The following DNAJC5B variants were observed in gnomAD, a reference collection of about 807,000 sequenced individuals.
DNAJC5B encodes DnaJ heat shock protein family (Hsp40) member C5 beta.
DNAJC5B carries 23 observed loss-of-function variants against 24.7 expected under a neutral mutation model. That is an observed-to-expected ratio of 0.93 (90% confidence interval 0.67 to 1.32). DNAJC5B has a LOEUF of 1.32. Ranked by LOEUF, DNAJC5B falls within the 40% of genes most tolerant of loss-of-function variation. The pLI is 0.00. For synonymous variants in DNAJC5B, 101 were observed against 90.1 expected, an observed-to-expected ratio of 1.12 and a Z score of -0.68; for missense variants, 238 against 240.8, an observed-to-expected ratio of 0.99 and a Z score of 0.08.
chr8:66,022,630 CA>C (rs1368672913), intron 1 of DNAJC5B, among the ~76,000 whole-genome samples: 1 of 152,230 alleles, frequency 6.6e-6, no homozygotes, highest in Non-Finnish European at 1.5e-5. Flanking sequence ...CCACAGGACA[CA>C]ACTCTAACTC....
chr8:66,046,783 A>G (rs78390492), intron 2 of DNAJC5B, among the ~76,000 whole-genome samples: 1,724 of 152,396 alleles, frequency 0.011, 18 homozygotes, highest in East Asian at 0.031. Context: ...AAGGCTGTCC[A>G]GTTCTCAGCC....
At chr8:66,067,339 T>C (rs984141806) in intron 3 of DNAJC5B, among the ~76,000 whole-genome samples, 1 of 151,994 alleles carries the variant, frequency 6.6e-6, no homozygotes, top group Non-Finnish European at 1.5e-5. Context: ...AGGAGAAAAC[T>C]TGGACACTAG....
At chr8:66,017,694 C>G (rs991021517), upstream of DNAJC5B, among the ~76,000 whole-genome samples, 7 of 152,220 alleles carry the variant, frequency 4.6e-5, no homozygotes, top group African/African-American at 1.4e-4. Flanking sequence ...TATGCTGACA[C>G]TGGTTTCCAG....
intron 5 of DNAJC5B, among the ~76,000 whole-genome samples, chr8:66,097,406 A>G (rs1432382698): frequency 2.0e-5 from 3 of 151,760 alleles, no homozygotes; most frequent in Non-Finnish European, 4.4e-5. Flanking sequence ...TAACACGTTA[A>G]CCCTGATCAA....
At chr8:66,048,800 C>A (rs568832133) in intron 2 of DNAJC5B, among the ~76,000 whole-genome samples, 1 of 152,178 alleles carries the variant, frequency 6.6e-6, no homozygotes, top group East Asian at 1.9e-4. Context: ...GTGTTGCTTT[C>A]GGTTCAGGCT....
At chr8:66,079,650 A>G (rs1194610064) in intron 4 of DNAJC5B, among the ~76,000 whole-genome samples, 3 of 152,210 alleles carry the variant, frequency 2.0e-5, no homozygotes, top group African/African-American at 7.2e-5. Context: ...GATCACCATA[A>G]TAAGGATCTT....
chr8:66,028,047 G>C (rs758792795), intron 1 of DNAJC5B, among the ~76,000 whole-genome samples: 3 of 152,158 alleles, frequency 2.0e-5, no homozygotes, highest in Non-Finnish European at 4.4e-5. Flanking sequence ...AAAAATGTGC[G>C]CACTGTGAAC....
intron 5 of DNAJC5B, among the ~76,000 whole-genome samples, chr8:66,086,424 G>A (rs1022844792): frequency 3.6e-4 from 54 of 152,106 alleles, no homozygotes; most frequent in African/African-American, 1.1e-3. Flanking sequence ...AGCCACTACT[G>A]AGGATATTTC....
At chr8:66,045,330 A>G (rs571912499) in intron 2 of DNAJC5B, among the ~76,000 whole-genome samples, 1 of 152,382 alleles carries the variant, frequency 6.6e-6, no homozygotes, top group Admixed American at 6.5e-5. Context: ...GAATAGGGCA[A>G]AAGAAGATGA....
intron 3 of DNAJC5B, among the ~76,000 whole-genome samples, chr8:66,062,740 T>A (rs1404397655): frequency 6.6e-6 from 1 of 152,142 alleles, no homozygotes; most frequent in Non-Finnish European, 1.5e-5. Context: ...AGTGGGAGGA[T>A]CAATTGAGCC....
At position 66,100,056 on chromosome 8, in the gene DNAJC5B, G is replaced by A; in HGVS notation, c.*25G>A. 6.2e-7 allele frequency: 1 copy of A among 1,601,440 alleles called. No homozygotes were observed. Among genetic ancestry groups the A allele is most frequent in the South Asian group, 1.1e-5 (1 of 90,488 alleles). The stretch of plus-strand genomic sequence containing the variant: ...ATATTGAGCCCTCAGAGAGTCCACA[G>A]TCCCTCCTCTCAGTTCAGTCTTGTC... On this transcript the variant is annotated 3_prime_UTR_variant, in exon 6 of 6. Coordinates refer to ENST00000276570, the MANE Select transcript of DNAJC5B (RefSeq NM_033105.6).
chr8:66,062,495 G>T (rs75735667), intron 3 of DNAJC5B, among the ~76,000 whole-genome samples: 6,526 of 152,240 alleles, frequency 0.043, 465 homozygotes, highest in African/African-American at 0.15. Flanking sequence ...ATAAACATTG[G>T]TTTTTATTTA....
chr8:66,060,919 G>C (rs1203808240), intron 3 of DNAJC5B, among the ~76,000 whole-genome samples: 1 of 152,218 alleles, frequency 6.6e-6, no homozygotes, highest in East Asian at 1.9e-4. Context: ...AATAGGGCCA[G>C]GGGAAGGGGG....
chr8:66,043,510 A>G lies in DNAJC5B; in HGVS notation c.-119A>G, dbSNP rs1806657366. ...CAGAGGGATAACCAATTGGCTGGCA[A>G]AGTAACAAATGAAAAGTAACCTGAC... On this transcript the variant is annotated 5_prime_UTR_variant, in exon 2 of 6. Transcript: ENST00000276570. 6.6e-6 allele frequency: 1 copy of G among 152,222 alleles called. No individual in the cohort carries two copies. The allele number at this position is 152,222 out of a possible 1,614,324, so 9.4% of individuals were successfully genotyped here.
chr8:66,065,078 A>G (rs997596216), intron 3 of DNAJC5B, among the ~76,000 whole-genome samples: 1 of 152,238 alleles, frequency 6.6e-6, no homozygotes, highest in African/African-American at 2.4e-5. Flanking sequence ...TCAAGCGATG[A>G]TTGAGACACA....
intron 1 of DNAJC5B, among the ~76,000 whole-genome samples, chr8:66,024,420 TTAA>T (rs1163728701): frequency 4.5e-4 from 57 of 126,428 alleles, no homozygotes; most frequent in Non-Finnish European, 7.8e-4. Flanking sequence ...TTTTTTTTTT[TTAA>T]TGTTTTTTTT....
chr8:66,030,140 T>G (rs1162512358), intron 1 of DNAJC5B, among the ~76,000 whole-genome samples: 2 of 152,194 alleles, frequency 1.3e-5, no homozygotes, highest in Non-Finnish European at 2.9e-5. Flanking sequence ...AGATTTCAGT[T>G]GAAAGTCTTC....
At chr8:66,047,235 A>G (rs776253774) in intron 2 of DNAJC5B, among the ~76,000 whole-genome samples, 63 of 152,228 alleles carry the variant, frequency 4.1e-4, no homozygotes, top group Admixed American at 1.4e-3. Flanking sequence ...CGTTTGGCCA[A>G]TGGGGCCTGA....
chr8:66,062,338 GCTTCC>G (rs1807101508), intron 3 of DNAJC5B, among the ~76,000 whole-genome samples: 1 of 152,164 alleles, frequency 6.6e-6, no homozygotes, highest in Non-Finnish European at 1.5e-5. Flanking sequence ...AAAGATACTA[GCTTCC>G]ATCTGGGATC....
Sources: gnomAD v4.1 joint callset for allele counts (sites outside exome capture counted in the v4.1 genomes callset) on GRCh38, gnomAD v4.1.1 for gene constraint, MANE v1.5 for transcripts, NCBI Gene and HGNC (gene_info 2026-07-23, HGNC 2026-07-21) for gene names.